EIF4G3: variants seen among roughly 807,000 people sequenced by gnomAD.
EIF4G3 encodes the protein eukaryotic translation initiation factor 4 gamma 3.
EIF4G3 carries 34 observed loss-of-function variants against 186.4 expected under a neutral mutation model. The ratio of observed to expected loss-of-function variants is 0.18; its 90% CI spans 0.14 to 0.24. The LOEUF is 0.24. Ranked by LOEUF, EIF4G3 falls within the 10% of genes least tolerant of loss-of-function variation. The pLI is 1.00. For synonymous variants in EIF4G3, 673 were observed against 679.5 expected, an observed-to-expected ratio of 0.99 and a Z score of 0.15; for missense variants, 1,536 against 1,948.5, an observed-to-expected ratio of 0.79 and a Z score of 3.99.
chr1:20,884,152 G>C (rs1021588185), intron 19 of EIF4G3, among the ~76,000 whole-genome samples: 10 of 152,164 alleles, frequency 6.6e-5, no homozygotes, highest in African/African-American at 2.2e-4. Flanking sequence ...GGTTGTACTG[G>C]CTCTGTAAAG....
rs937856751 is a variant in EIF4G3, at chr1:20,943,838, G to A, written c.824-1508C>T. 2.0e-5 allele frequency among the ~76,000 whole-genome samples: 3 copies of A among 152,088 alleles called. No individual in the cohort carries two copies. The South Asian group carries it at 6.2e-4, about 32-fold the overall frequency. On this transcript the variant is annotated intron_variant, in intron 13 of 36. Transcript: ENST00000602326. The stretch of plus-strand genomic sequence containing the variant: ...CTTTTATTTATAGGCACAGAAGCTG[G>A]TGCTTCTAAAATTGGACTTTTCTTA...
intron 4 of EIF4G3, among the ~76,000 whole-genome samples, chr1:21,045,141 A>T (rs916512817): frequency 6.6e-6 from 1 of 152,250 alleles, no homozygotes; most frequent in African/African-American, 2.4e-5. Flanking sequence ...AATAAATAAA[A>T]AAACAGCTTA....
intron 14 of EIF4G3, among the ~76,000 whole-genome samples, chr1:20,924,461 T>A (rs1208351734): frequency 6.6e-6 from 1 of 152,220 alleles, no homozygotes; most frequent in Non-Finnish European, 1.5e-5. Flanking sequence ...CTGCAAATCT[T>A]GAGGAATATT....
chr1:21,083,443 G>A (rs1164679658), intron 3 of EIF4G3, among the ~76,000 whole-genome samples: 1 of 151,414 alleles, frequency 6.6e-6, no homozygotes, highest in Non-Finnish European at 1.5e-5. Context: ...ATGCCAAAGT[G>A]CTAGGATTAC....
At chr1:21,014,115 G>A (rs976529564) in intron 4 of EIF4G3, among the ~76,000 whole-genome samples, 2 of 152,174 alleles carry the variant, frequency 1.3e-5, no homozygotes, top group Admixed American at 1.3e-4. Context: ...GCTGCAGTGA[G>A]CCGAGATCAT....
At chr1:21,112,056 C>T (rs1190556411) in intron 2 of EIF4G3, among the ~76,000 whole-genome samples, 1 of 152,106 alleles carries the variant, frequency 6.6e-6, no homozygotes, top group Non-Finnish European at 1.5e-5. Flanking sequence ...AAAATCATTA[C>T]CCCCTTTATT....
intron 2 of EIF4G3, among the ~76,000 whole-genome samples, chr1:21,154,743 T>C (rs1262246728): frequency 6.6e-6 from 1 of 152,240 alleles, no homozygotes; most frequent in African/African-American, 2.4e-5. Context: ...GAGATGCAGA[T>C]ATATGCTATG....
intron 2 of EIF4G3, among the ~76,000 whole-genome samples, chr1:21,113,794 T>C (rs2096770054): frequency 6.6e-6 from 1 of 152,110 alleles, no homozygotes; most frequent in African/African-American, 2.4e-5. Flanking sequence ...GGCAGGAGGA[T>C]CCCTTGAGCC....
chr1:21,123,586 A>G (rs1486178240), intron 2 of EIF4G3, among the ~76,000 whole-genome samples: 1 of 152,048 alleles, frequency 6.6e-6, no homozygotes, highest in East Asian at 1.9e-4. Context: ...AAGAAAGAAA[A>G]AAAAAGTATT....
chr1:21,115,094 A>C lies in EIF4G3; in HGVS notation c.-271-25881T>G, dbSNP rs146291552. ...TAAGGGCAAAAAATATCTTAGTATA[A>C]TCTTATCATGTGTTCACTGGAGCAG... On this transcript the variant is annotated intron_variant, in intron 2 of 36. Transcript: ENST00000602326. Among the ~76,000 whole-genome samples the C allele has an allele frequency of 9.0e-3, 1,371 of 152,310 alleles. 10 individuals are homozygous for C. Among genetic ancestry groups the C allele is most frequent in the South Asian group, 0.022 (108 of 4,830 alleles).
intron 2 of EIF4G3, among the ~76,000 whole-genome samples, chr1:21,160,844 G>A (rs1279688454): frequency 1.3e-5 from 2 of 152,144 alleles, no homozygotes; most frequent in Admixed American, 6.5e-5. Flanking sequence ...AGCACAGTAC[G>A]AGGGCAGAGT....
chr1:21,104,375 C>T (rs1239939937), intron 2 of EIF4G3, among the ~76,000 whole-genome samples: 1 of 152,000 alleles, frequency 6.6e-6, no homozygotes, highest in Non-Finnish European at 1.5e-5. Context: ...ACAAATGAGA[C>T]AATTAAAATA....
intron 4 of EIF4G3, among the ~76,000 whole-genome samples, chr1:21,019,640 C>T (rs1013288263): frequency 1.3e-5 from 2 of 152,036 alleles, no homozygotes; most frequent in African/African-American, 2.4e-5. Context: ...AACAACATGC[C>T]ATGGGAGGCC....
At chr1:21,074,821 AG>A (rs1486278106) in intron 3 of EIF4G3, among the ~76,000 whole-genome samples, 1 of 152,218 alleles carries the variant, frequency 6.6e-6, no homozygotes, top group Non-Finnish European at 1.5e-5. Context: ...CTTTAATCCT[AG>A]GACTTGGAGA....
At chr1:20,960,920 A>C (rs1400139943) in intron 12 of EIF4G3, among the ~76,000 whole-genome samples, 1 of 152,232 alleles carries the variant, frequency 6.6e-6, no homozygotes, top group Non-Finnish European at 1.5e-5. Context: ...AAAAATCATC[A>C]CCCAAAAGAA....
intron 19 of EIF4G3, among the ~76,000 whole-genome samples, chr1:20,883,476 G>C (rs1175148549): frequency 6.6e-6 from 1 of 152,158 alleles, no homozygotes; most frequent in East Asian, 1.9e-4. Flanking sequence ...AAGTTAGCCA[G>C]GCATGGTGGA....
intron 4 of EIF4G3, among the ~76,000 whole-genome samples, chr1:21,010,981 G>A (rs1295519015): frequency 6.6e-6 from 1 of 152,104 alleles, no homozygotes; most frequent in Non-Finnish European, 1.5e-5. Context: ...AGGTGTGGGA[G>A]GTGAAATATT....
At chr1:21,136,581 G>T (rs2097251620) in intron 2 of EIF4G3, among the ~76,000 whole-genome samples, 1 of 151,714 alleles carries the variant, frequency 6.6e-6, no homozygotes. Flanking sequence ...ATGGTTTAAT[G>T]GGAAAAACTG....
At position 21,129,223 on chromosome 1, in the gene EIF4G3, G is replaced by A. The variant is rs2097106937; in HGVS notation, c.-271-40010C>T. ...CCAGCTACTCCAGAGACTGAGGCAA[G>A]AGAATCACTTGAACCTGGGAGGCAG... On this transcript the variant is annotated intron_variant, in intron 2 of 36. Transcript: ENST00000602326. 2.0e-5 allele frequency among the ~76,000 whole-genome samples: 3 copies of A among 151,914 alleles called. No individual in the cohort carries two copies. The East Asian group carries it at 5.8e-4, about 29-fold the overall frequency.
Sources: allele counts gnomAD v4.1 joint callset (sites outside exome capture counted in the v4.1 genomes callset), GRCh38; gene constraint gnomAD v4.1.1; transcripts MANE v1.5; gene names NCBI Gene and HGNC (gene_info 2026-07-23, HGNC 2026-07-21).